TCF12: variants seen among roughly 807,000 people sequenced by gnomAD.
TCF12 encodes DNA-binding protein HTF4.
Under a neutral mutation model 86.0 loss-of-function variants are expected in TCF12, and 45 were observed. The ratio of observed to expected loss-of-function variants is 0.52; its 90% CI spans 0.41 to 0.67. The LOEUF (loss-of-function observed/expected upper bound fraction) is 0.67. TCF12 is among the 30% of genes least tolerant of loss of function. The pLI, the probability that TCF12 is intolerant of heterozygous loss-of-function variation, is 0.00. For synonymous variants in TCF12, 330 were observed against 299.6 expected (o/e 1.10, Z -1.05); for missense variants, 881 against 859.9 (o/e 1.02, Z -0.31).
At chr15:57,011,345 C>G (rs1363976314) in intron 3 of TCF12, among the ~76,000 whole-genome samples, 1 of 151,804 alleles carries the variant, frequency 6.6e-6, no homozygotes, top group African/African-American at 2.4e-5. Context: ...GGATCCACCC[C>G]CTCTTGTTCC....
At chr15:57,197,575 G>A (rs905402598) in intron 7 of TCF12, among the ~76,000 whole-genome samples, 198 bp from the exon 8 acceptor site, 6 of 152,256 alleles carry the variant, frequency 3.9e-5, no homozygotes, top group Middle Eastern at 3.4e-3. Context: ...TTTTCAGAAT[G>A]TATCACTTTT....
intron 4 of TCF12, among the ~76,000 whole-genome samples, chr15:57,084,184 C>CA (rs2048482696): frequency 6.6e-6 from 1 of 152,098 alleles, no homozygotes; most frequent in African/African-American, 2.4e-5. Context: ...GTTATATGCT[C>CA]AGTGATAATA....
chr15:57,204,036 C>G (rs1395582495), intron 8 of TCF12, among the ~76,000 whole-genome samples: 1 of 151,892 alleles, frequency 6.6e-6, no homozygotes, highest in Admixed American at 6.6e-5. Flanking sequence ...CTATAAGGAG[C>G]TTTATTGTTT....
intron 3 of TCF12, among the ~76,000 whole-genome samples, chr15:56,934,995 A>T (rs1291256489): frequency 6.6e-6 from 1 of 152,216 alleles, no homozygotes; most frequent in Non-Finnish European, 1.5e-5. Flanking sequence ...TTTCTTGAAG[A>T]TCTATCTTAA....
At chr15:57,229,313 A>G (rs1198581191) in intron 8 of TCF12, among the ~76,000 whole-genome samples, 1 of 152,016 alleles carries the variant, frequency 6.6e-6, no homozygotes, top group Non-Finnish European at 1.5e-5. Flanking sequence ...TTTGTGAAAT[A>G]CCTTTAAACC....
chr15:57,197,545 C>T lies in TCF12; in HGVS notation c.527-228C>T, dbSNP rs79282004. ...TATTGGTTCATTTGCTGTCATCTTC[C>T]CAAATTTATGGGATATGTATTTTCA... On this transcript the variant is annotated intron_variant, in intron 7 of 20. Coordinates refer to ENST00000333725, the MANE Select transcript of TCF12 (RefSeq NM_207037.2). Among the ~76,000 whole-genome samples, 3,239 of 152,124 alleles carry T rather than the reference C, an allele frequency of 0.021. 87 individuals carry two copies. Among genetic ancestry groups the T allele is most frequent in the East Asian group, 0.057 (294 of 5,178 alleles).
chr15:57,152,811 A>G (rs1012608993), intron 5 of TCF12, among the ~76,000 whole-genome samples: 3 of 152,076 alleles, frequency 2.0e-5, no homozygotes, highest in Non-Finnish European at 2.9e-5. Context: ...AATGAAAGAC[A>G]TCAAACCATA....
intron 3 of TCF12, among the ~76,000 whole-genome samples, chr15:56,948,863 AC>A (rs1472200443): frequency 6.6e-6 from 1 of 152,184 alleles, no homozygotes; most frequent in Non-Finnish European, 1.5e-5. Flanking sequence ...TGGTAAGGAC[AC>A]TAAAAGTCAC....
intron 16 of TCF12, among the ~76,000 whole-genome samples, chr15:57,255,751 G>T (rs1422955990): frequency 1.3e-5 from 2 of 151,964 alleles, no homozygotes; most frequent in African/African-American, 2.4e-5. Context: ...CAAAGTGCTG[G>T]GATTACAGGT....
At chr15:56,978,797 C>G (rs562553799) in intron 3 of TCF12, among the ~76,000 whole-genome samples, 2 of 152,246 alleles carry the variant, frequency 1.3e-5, no homozygotes, top group South Asian at 4.2e-4. Flanking sequence ...CCTAAGTATT[C>G]AGCAGGCCCA....
intron 3 of TCF12, among the ~76,000 whole-genome samples, chr15:57,060,392 A>G (rs1233280244): frequency 1.3e-5 from 2 of 152,230 alleles, no homozygotes; most frequent in African/African-American, 4.8e-5. Flanking sequence ...TCAGAAAACC[A>G]GGTACTAAGA....
chr15:56,947,333 G>A (rs1281017027), intron 3 of TCF12, among the ~76,000 whole-genome samples: 1 of 151,976 alleles, frequency 6.6e-6, no homozygotes, highest in African/African-American at 2.4e-5. Flanking sequence ...GTAATATAGC[G>A]GGACTCCAAG....
At chr15:57,246,030 A>T (rs541716633) in intron 13 of TCF12, among the ~76,000 whole-genome samples, 1 of 151,884 alleles carries the variant, frequency 6.6e-6, no homozygotes, top group South Asian at 2.1e-4. Flanking sequence ...GGAAAAAAAA[A>T]GGAAAAGAAC....
intron 16 of TCF12, among the ~76,000 whole-genome samples, chr15:57,258,131 C>T (rs958014902): frequency 2.0e-5 from 3 of 152,116 alleles, no homozygotes; most frequent in Admixed American, 6.5e-5. Context: ...GAGACCTCAT[C>T]TTAGCCACAT....
chr15:56,999,289 A>G (rs1567227754), intron 3 of TCF12, among the ~76,000 whole-genome samples: 1 of 152,118 alleles, frequency 6.6e-6, no homozygotes, highest in East Asian at 1.9e-4. Flanking sequence ...AAAAGCAGTA[A>G]AACAGTAGCT....
chr15:57,197,319 G>GTTAATTTTT (rs2057321530), intron 7 of TCF12, among the ~76,000 whole-genome samples: 1 of 151,828 alleles, frequency 6.6e-6, no homozygotes, highest in African/African-American at 2.4e-5. Flanking sequence ...ACCACGGCCA[G>GTTAATTTTT]TTAATTTTTT....
At chr15:57,219,708 G>C in intron 8 of TCF12, 1 of 504,026 alleles carries the variant, frequency 2.0e-6, no homozygotes, top group Non-Finnish European at 3.3e-6. Context: ...CAATGTATTA[G>C]ATTGTAGATT....
intron 4 of TCF12, among the ~76,000 whole-genome samples, chr15:57,071,271 G>A (rs1393902436): frequency 6.6e-6 from 1 of 151,622 alleles, no homozygotes; most frequent in Non-Finnish European, 1.5e-5. Context: ...AAAAATCCAG[G>A]TCTGGTGGTG....
intron 3 of TCF12, among the ~76,000 whole-genome samples, chr15:56,923,910 GTA>G (rs2059898643): frequency 6.6e-6 from 1 of 151,966 alleles, no homozygotes; most frequent in Non-Finnish European, 1.5e-5. Flanking sequence ...GTTTGTAACA[GTA>G]TAGTTTCTTT....
Sources: gnomAD v4.1 joint callset for allele counts (sites outside exome capture counted in the v4.1 genomes callset) on GRCh38, gnomAD v4.1.1 for gene constraint, MANE v1.5 for transcripts, NCBI Gene and HGNC (gene_info 2026-07-23, HGNC 2026-07-21) for gene names.